ZNF682: variants seen among roughly 807,000 people sequenced by gnomAD.
ZNF682 encodes the protein zinc finger protein 682.
A neutral mutation model predicts 36.5 loss-of-function variants in ZNF682; 29 were observed. The observed-to-expected ratio is 0.80, with a 90% CI of 0.59 to 1.08. The LOEUF is 1.08. Among genes scored for constraint, ZNF682 ranks in the 50% least tolerant of loss-of-function variants. The probability of loss-of-function intolerance (pLI) is 0.00; values close to 1 mark genes in which losing one functional copy is unlikely to be tolerated. For synonymous variants in ZNF682, 180 were observed against 197.0 expected (o/e 0.91, Z 0.72); for missense variants, 561 against 579.7 (o/e 0.97, Z 0.33).
rs1434477709 is a variant in ZNF682 at position 20,031,454 on chromosome 19, G to T, written c.4-7078C>A. ...TAAAATGTCGATGTTGACCTGTCAC[G>T]ATGCAGAAAATGTTTCCTATGGGCT... On this transcript the variant is annotated intron_variant, in intron 1 of 3. Transcript: ENST00000397165. Among the ~76,000 whole-genome samples, 5 of 152,214 alleles carry T rather than the reference G, an allele frequency of 3.3e-5. No individual in the cohort carries two copies. The East Asian group carries it at 9.6e-4, about 29-fold the overall frequency.
intron 3 of ZNF682, among the ~76,000 whole-genome samples, chr19:20,009,888 C>G (rs1052091268): frequency 6.6e-6 from 1 of 151,980 alleles, no homozygotes; most frequent in African/African-American, 2.4e-5. Context: ...GGCATGGTAG[C>G]GTGCACCTGT....
chr19:19,997,294 C>T (rs2088133741), intron 3 of ZNF682: 1 of 398,514 alleles, frequency 2.5e-6, no homozygotes, highest in Non-Finnish European at 4.4e-6. Context: ...GTCCCCATCT[C>T]AGCCTAGCAT....
chr19:20,006,222 C>G lies in ZNF682; in HGVS notation c.1280G>C (p.Cys427Ser), dbSNP rs778370819. 34 of 1,613,774 alleles carry G rather than the reference C, an allele frequency of 2.1e-5. No homozygotes were observed. The highest frequency in any genetic ancestry group is 8.3e-5 in the Admixed American group (5 of 60,004). ...ATTAAAGGCTTTTCCACATTCTTCA[C>G]AGTTGTAGGGTTTCTCTCCAGTATG... Reference protein sequence around the residue: ...RIHTGEKPYNCEECGKAFNRC... With the variant: ...RIHTGEKPYNSEECGKAFNRC... The change falls in exon 4 of 4, where the codon TGT (cysteine) becomes TCT (serine). Residue 427 changes from cysteine (C) to serine (S), a missense_variant. Transcript: ENST00000397165.
At chr19:20,001,950 A>G (rs2088170222), downstream of ZNF682, among the ~76,000 whole-genome samples, 1 of 152,188 alleles carries the variant, frequency 6.6e-6, no homozygotes, top group Non-Finnish European at 1.5e-5. Flanking sequence ...AAATGAATAA[A>G]TGGCAGAATT....
Position 20,031,302 on chromosome 19 carries a change from A to AC in ZNF682, c.4-6927dup, listed in dbSNP as rs2088477643. Among the ~76,000 whole-genome samples the AC allele has an allele frequency of 3.3e-5, 5 of 151,910 alleles. No homozygotes were observed. The South Asian group carries it at 1.0e-3, about 32-fold the overall frequency. Reference sequence around the variant, plus strand: ...TGGCTGTAGATATTTTGTGGCCTGGACCCCCCACTGCTGGGGTGATTCTGC... The same window carrying AC: ...TGGCTGTAGATATTTTGTGGCCTGGACCCCCCCACTGCTGGGGTGATTCTGC... On this transcript the variant is annotated intron_variant, in intron 1 of 3. Coordinates refer to ENST00000397165, the MANE Select transcript of ZNF682 (RefSeq NM_033196.3).
chr19:19,996,272 T>A (rs992096547), downstream of ZNF682, among the ~76,000 whole-genome samples: 6 of 152,228 alleles, frequency 3.9e-5, no homozygotes, highest in Admixed American at 3.9e-4. Flanking sequence ...GAAAACAGTA[T>A]GGAGATTCCT....
intron 3 of ZNF682, among the ~76,000 whole-genome samples, chr19:20,019,791 T>C (rs944600034): frequency 6.6e-6 from 1 of 152,150 alleles, no homozygotes; most frequent in Non-Finnish European, 1.5e-5. Context: ...TCACATTTGT[T>C]AGGATGTCTA....
chr19:20,006,456 G>T lies in ZNF682; in HGVS notation c.1046C>A (p.Ala349Asp). 6.2e-7 allele frequency: 1 copy of T among 1,613,992 alleles called. No individual in the cohort carries two copies. Among genetic ancestry groups the T allele is most frequent in the Non-Finnish European group, 8.5e-7 (1 of 1,179,986 alleles). The part of the protein sequence containing the change: ...KPYKCEECGK[A>D]FNSSSILTEH... ...AGTAAGAATTGATGATGAGTTAAAA[G>T]CTTTGCCACATTCTTCACATTTATA... Residue 349 changes from alanine to aspartate, a missense_variant, in exon 4 of 4, where the codon GCT becomes GAT. Coordinates refer to ENST00000397165, the MANE Select transcript of ZNF682 (RefSeq NM_033196.3).
rs928689220 is a variant in ZNF682, at chr19:20,024,367, T to C, written c.13A>G (p.Thr5Ala). ...AATTCTATGGTCACATCCCTGAATG[T>C]CAACAGTTCCTGAAAAACAAAACAA... The part of the protein sequence containing the change: MELL[T>A]FRDVTIEFSL... Residue 5 changes from threonine (T) to alanine (A), a missense_variant, in exon 2 of 4, where the codon ACA becomes GCA. Coordinates refer to ENST00000397165, the MANE Select transcript of ZNF682 (RefSeq NM_033196.3). 1.2e-6 allele frequency: 2 copies of C among 1,609,558 alleles called. No individual in the cohort carries two copies. The highest frequency in any genetic ancestry group is 1.3e-5 in the African/African-American group (1 of 74,586).
chr19:20,032,759 TAGAA>T (rs1231850812), intron 1 of ZNF682, among the ~76,000 whole-genome samples: 9 of 152,208 alleles, frequency 5.9e-5, no homozygotes, highest in Admixed American at 2.0e-4. Context: ...ATTGCAAAGA[TAGAA>T]AGAAGGTTGT....
At chr19:20,012,415 G>A (rs1340297054) in intron 3 of ZNF682, among the ~76,000 whole-genome samples, 2 of 152,242 alleles carry the variant, frequency 1.3e-5, no homozygotes, top group Non-Finnish European at 2.9e-5. Context: ...ACAACCTATT[G>A]GGAGAAAGTA....
At chr19:20,036,373 A>G (rs1028393903) in intron 1 of ZNF682, among the ~76,000 whole-genome samples, 3 of 109,174 alleles carry the variant, frequency 2.7e-5, no homozygotes, top group Admixed American at 1.0e-4. Flanking sequence ...GCTGGAGTGA[A>G]GTGGGCAGAT....
intron 3 of ZNF682, among the ~76,000 whole-genome samples, chr19:20,013,635 C>T (rs2122331883): frequency 6.6e-6 from 1 of 152,286 alleles, no homozygotes; most frequent in South Asian, 2.1e-4. Context: ...GGCTGGAGCG[C>T]AGTGGCGCGA....
chr19:20,003,262 A>T (rs1200879009), downstream of ZNF682, among the ~76,000 whole-genome samples: 1 of 151,420 alleles, frequency 6.6e-6, no homozygotes, highest in African/African-American at 2.4e-5. Context: ...GAGTTCTCCA[A>T]TTGAAAAAAA....
chr19:20,036,294 T>C (rs1189185683), intron 1 of ZNF682, among the ~76,000 whole-genome samples: 4 of 152,082 alleles, frequency 2.6e-5, no homozygotes, highest in Admixed American at 2.6e-4. Flanking sequence ...ACCCTTTAGC[T>C]TTCTGGATTG....
rs1053924451 is a variant in ZNF682 at position 20,006,079 on chromosome 19, G to A, written c.1423C>T (p.Gln475Ter). 6.2e-7 allele frequency: 1 copy of A among 1,612,760 alleles called. No individual in the cohort carries two copies. The highest frequency in any genetic ancestry group is 8.5e-7 in the Non-Finnish European group (1 of 1,179,150). ...TACTTGCAGGATTTCTCTCCTCTTT[G>A]AACTCTCTTATGTTCATTAAGATGT... The part of the protein sequence containing the change: ...CSHLNEHKRV[Q>*]RGEKSCKYKK... Residue 475 changes from glutamine (Q) to a stop codon, truncating the protein, a stop_gained, in exon 4 of 4, where the codon CAA becomes TAA. Coordinates refer to ENST00000397165, the MANE Select transcript of ZNF682 (RefSeq NM_033196.3). LOFTEE classifies it high-confidence loss of function.
chr19:19,996,586 A>T (rs982465680), downstream of ZNF682, among the ~76,000 whole-genome samples: 2 of 152,216 alleles, frequency 1.3e-5, no homozygotes, highest in African/African-American at 4.8e-5. Flanking sequence ...CAGAAATGAT[A>T]AACCAAACAT....
At chr19:20,003,051 C>T (rs1414636033), downstream of ZNF682, among the ~76,000 whole-genome samples, 6 of 151,020 alleles carry the variant, frequency 4.0e-5, no homozygotes, top group East Asian at 3.9e-4. Context: ...ATGAGCCGGG[C>T]GTGGTGGTGG....
chr19:20,003,084 G>C (rs1599599838), downstream of ZNF682, among the ~76,000 whole-genome samples: 1 of 150,082 alleles, frequency 6.7e-6, no homozygotes, highest in African/African-American at 2.4e-5. Context: ...CCAGCTACTC[G>C]GGAGGCTGAG....
Sources: allele counts gnomAD v4.1 joint callset (sites outside exome capture counted in the v4.1 genomes callset), GRCh38; gene constraint gnomAD v4.1.1; transcripts MANE v1.5; gene names NCBI Gene and HGNC (gene_info 2026-07-23, HGNC 2026-07-21).